The following NOL6 variants were observed in gnomAD, a reference collection of about 807,000 sequenced individuals.
NOL6 encodes the protein nucleolar RNA-associated protein.
Under a neutral mutation model 131.7 loss-of-function variants are expected in NOL6, and 33 were observed. That is an observed-to-expected ratio of 0.25 (90% CI 0.19 to 0.33). NOL6 has a LOEUF of 0.33. NOL6 is among the 10% of genes least tolerant of loss of function. NOL6 has a pLI of 1.00. For missense variants in NOL6, 1,297 were observed against 1,494.5 expected (o/e 0.87, Z 2.18); for synonymous variants, 580 against 605.7 (o/e 0.96, Z 0.62).
At position 33,468,887 on chromosome 9, in the gene NOL6, G is replaced by C. The variant is rs770679733; in HGVS notation, c.1027-15C>G. 5 of 1,614,040 alleles carry C rather than the reference G, an allele frequency of 3.1e-6. No individual in the cohort carries two copies. In the African/African-American group the frequency reaches 6.7e-5, roughly 22 times the overall value. On this transcript the variant is annotated splice_polypyrimidine_tract_variant and intron_variant, in intron 7 of 25. Transcript: ENST00000297990. ...CCACCCTGGCCCTGAAAGAGACAGG[G>C]AGAGGCTGAGGTCAGAGCCTGCCCA...
At position 33,466,422 on chromosome 9, in the gene NOL6, A is replaced by T. The variant is rs1252741838; in HGVS notation, c.2095T>A (p.Phe699Ile). Reference sequence around the variant, plus strand: ...GCTGGACGGACTGGAGTTGGTGGGAACACCTGTGGAAGAAGAGGGGCTGAG... The same window carrying T: ...GCTGGACGGACTGGAGTTGGTGGGATCACCTGTGGAAGAAGAGGGGCTGAG... ...AHPVLRYTEV[F>I]PPTPVRPAFS... Residue 699 changes from phenylalanine (F) to isoleucine (I), a missense_variant, in exon 17 of 26, where the codon TTC (phenylalanine) becomes ATC (isoleucine). Transcript: ENST00000297990. 2 of 1,614,038 alleles carry T rather than the reference A, an allele frequency of 1.2e-6. No individual in the cohort carries two copies. The highest frequency in any genetic ancestry group is 1.1e-5 in the South Asian group (1 of 91,092).
At position 33,465,247 on chromosome 9, in the gene NOL6, C is replaced by A; in HGVS notation, c.2641G>T (p.Ala881Ser). 6.3e-7 allele frequency: 1 copy of A among 1,597,798 alleles called. No individual in the cohort carries two copies. ...FADESLDLVA[A>S]ALFLHPEPFT... is the part of the protein sequence containing the mutation. Reference sequence around the variant, plus strand: ...GGCTCAGGGTGCAGGAAAAGGGCAGCGGCCACCAGATCCAGGCTCTCATCA... The same window carrying A: ...GGCTCAGGGTGCAGGAAAAGGGCAGAGGCCACCAGATCCAGGCTCTCATCA... Residue 881 changes from alanine to serine, a missense_variant, in exon 20 of 26, where the codon GCT becomes TCT. Physicochemically the swap from Ala to Ser is moderately conservative, Grantham distance 99. Coordinates refer to ENST00000297990, the MANE Select transcript of NOL6 (RefSeq NM_022917.5).
chr9:33,468,706 C>A (rs41314586), intron 8 of NOL6, 46 bp downstream of exon 8: 1 of 1,613,192 alleles, frequency 6.2e-7, no homozygotes, highest in Admixed American at 1.7e-5. Context: ...GAGAGGATTC[C>A]CAGGAGGAGT....
rs150632049 is a variant in NOL6, at chr9:33,472,255, C to T, written c.212G>A (p.Arg71His). Residue 71 changes from arginine (R) to histidine (H), a missense_variant, in exon 2 of 26, where the codon CGC (arginine) becomes CAC (histidine). Coordinates refer to ENST00000297990, the MANE Select transcript of NOL6 (RefSeq NM_022917.5). ...GAACAAGATCTCAGTCTCCCGAAGGCGATTAAGCTCCTCATTGGTAGGCTC... is the reference window on the plus strand; with the variant it reads ...GAACAAGATCTCAGTCTCCCGAAGGTGATTAAGCTCCTCATTGGTAGGCTC... ...YKEPTNEELN[R>H]LRETEILFHS... The T allele has an allele frequency of 5.0e-5, 81 of 1,614,222 alleles. No individual in the cohort carries two copies. The African/African-American group carries it at 6.9e-4, about 14-fold the overall frequency.
intron 4 of NOL6, 110 bp from the exon 5 acceptor site, chr9:33,469,777 C>G: frequency 1.5e-6 from 2 of 1,368,622 alleles, no homozygotes; most frequent in South Asian, 2.6e-5. Context: ...GACAGAAGTG[C>G]CTGAGCCACG....
At chr9:33,469,859 A>T in intron 4 of NOL6, 153 bp downstream of exon 4, 2 of 1,012,354 alleles carry the variant, frequency 2.0e-6, no homozygotes, top group South Asian at 1.7e-5. Context: ...GGCCCGAGGG[A>T]TCTAAGCTGC....
rs201427764 is a variant in NOL6 at position 33,467,969 on chromosome 9, C to T, written c.1424+61G>A. 2.6e-4 allele frequency: 417 copies of T among 1,611,866 alleles called. No individual in the cohort carries two copies. Among genetic ancestry groups the T allele is most frequent in the Non-Finnish European group, 1.9e-4 (224 of 1,178,456 alleles). ...GAGCACCTGTCTGAAGACCTTTGCC[C>T]CACCACTGTAGCCCCGAAGAGACAG... On this transcript the variant is annotated intron_variant, in intron 11 of 25. Transcript: ENST00000297990. This position sits in a 1 kb window ranked among gnomAD's most constrained non-coding sequence, Gnocchi z 4.4.
In NOL6 at chr9:33,462,524, TG is replaced by T; in HGVS notation, c.*139del. 1 of 966,724 alleles carries T rather than the reference TG, an allele frequency of 1.0e-6. No individual in the cohort carries two copies. Among genetic ancestry groups the T allele is most frequent in the Non-Finnish European group, 1.5e-6 (1 of 650,478 alleles). 59.9% of individuals were successfully genotyped at this position (966,724 alleles called of 1,614,324 possible). On this transcript the variant is annotated 3_prime_UTR_variant, in exon 26 of 26. Coordinates refer to ENST00000297990, the MANE Select transcript of NOL6 (RefSeq NM_022917.5). The stretch of plus-strand genomic sequence containing the variant: ...AGAGAAAGTTGGGGCTGGGTTTTGT[TG>T]GAGATGATTCAGCATGTTCAGCCAG...
rs1223187216 is a variant in NOL6 at position 33,467,815 on chromosome 9, G to A, written c.1478C>T (p.Pro493Leu). Reference protein sequence around the residue: ...QAACHRLKLWPELQDNGGDYV... With the variant: ...QAACHRLKLWLELQDNGGDYV... ...GTCCCCACCATTGTCCTGCAGCTCT[G>A]GCCAGAGCTTCAGCCGGTGGCACGC... Residue 493 changes from proline (P) to leucine (L), a missense_variant, in exon 12 of 26, where the codon CCA becomes CTA. Transcript: ENST00000297990. This position sits in a 1 kb window ranked among gnomAD's most constrained non-coding sequence, Gnocchi z 4.4. The A allele has an allele frequency of 1.2e-6, 2 of 1,607,584 alleles. No homozygotes were observed. The highest frequency in any genetic ancestry group is 1.7e-6 in the Non-Finnish European group (2 of 1,177,184).
intron 3 of NOL6, among the ~76,000 whole-genome samples, chr9:33,471,355 G>C (rs912546783): frequency 5.3e-5 from 8 of 152,226 alleles, no homozygotes; most frequent in African/African-American, 1.9e-4. Flanking sequence ...ATCTCACCCA[G>C]AGCAACAGCC....
At chr9:33,468,595 G>A (rs765871249) in intron 8 of NOL6, 29 bp from the exon 9 acceptor site, 1 of 1,612,942 alleles carries the variant, frequency 6.2e-7, no homozygotes. Flanking sequence ...GTATTAGAAG[G>A]TATCCCCTTC....
rs1232537457 is a variant in NOL6, at chr9:33,462,594, A to G, written c.*70T>C. On this transcript the variant is annotated 3_prime_UTR_variant, in exon 26 of 26. Transcript: ENST00000297990. ...TTCATGTCCAAGGAGGGTGGAGGTC[A>G]TCCTACTGACATCTTGCTCTAGAGG... 6.4e-7 allele frequency: 1 copy of G among 1,558,852 alleles called. No homozygotes were observed. Among genetic ancestry groups the G allele is most frequent in the Non-Finnish European group, 8.8e-7 (1 of 1,138,340 alleles).
At position 33,462,148 on chromosome 9, in the gene NOL6, G is replaced by A; in HGVS notation, c.*516C>T. Reference sequence around the variant, plus strand: ...AATGTGGTCTATTCATACACATATAGCCCCTTTCCACTGCTCAGTGTCGGT... The same window carrying A: ...AATGTGGTCTATTCATACACATATAACCCCTTTCCACTGCTCAGTGTCGGT... On this transcript the variant is annotated 3_prime_UTR_variant, in exon 26 of 26. Coordinates refer to ENST00000297990, the MANE Select transcript of NOL6 (RefSeq NM_022917.5). 1 of 717,418 alleles carries A rather than the reference G, an allele frequency of 1.4e-6. No homozygotes were observed. The highest frequency in any genetic ancestry group is 2.6e-6 in the Non-Finnish European group (1 of 385,082). 44.4% of individuals were successfully genotyped at this position (717,418 alleles called of 1,614,324 possible). A position where few individuals can be genotyped will look rare whatever the true frequency, so the allele number is the denominator to read the frequency against.
chr9:33,466,797 C>T, intron 15 of NOL6, 88 bp from the exon 16 acceptor site: 1 of 1,580,580 alleles, frequency 6.3e-7, no homozygotes, highest in Non-Finnish European at 8.6e-7. Flanking sequence ...GCAGCAGAGC[C>T]AGCACCGCCG....
At position 33,461,448 on chromosome 9, in the gene NOL6, G is replaced by C. The variant is rs1186226252; in HGVS notation, c.*1216C>G. On this transcript the variant is annotated 3_prime_UTR_variant, in exon 26 of 26. Transcript: ENST00000297990. ...GGGCAGACAGGCCAGGAATACGGGG[G>C]AAATTAAGCAATTTAACTTTTTATT... The C allele has an allele frequency of 6.6e-6, 1 of 152,216 alleles. No individual in the cohort carries two copies. Among genetic ancestry groups the C allele is most frequent in the Non-Finnish European group, 1.5e-5 (1 of 68,056 alleles). 9.4% of individuals were successfully genotyped at this position (152,216 alleles called of 1,614,324 possible).
Position 33,470,040 on chromosome 9 carries a change from T to A in NOL6, c.530A>T (p.Asn177Ile). 1 of 1,609,202 alleles carries A rather than the reference T, an allele frequency of 6.2e-7. No individual in the cohort carries two copies. Among genetic ancestry groups the A allele is most frequent in the Non-Finnish European group, 8.5e-7 (1 of 1,176,982 alleles). The change falls in exon 4 of 26, where the codon AAT (asparagine) becomes ATT (isoleucine). Residue 177 changes from asparagine (N) to isoleucine (I), a missense_variant. Transcript: ENST00000297990. ...LLGTCIRPDI[N>I]VDVALTMPRE... Reference sequence around the variant, plus strand: ...GGGCATGGTCAGTGCCACATCCACATTGATGTCTGGTCGGATGCAGGTGCC... The same window carrying A: ...GGGCATGGTCAGTGCCACATCCACAATGATGTCTGGTCGGATGCAGGTGCC...
rs1827092482 is a variant in NOL6 at position 33,461,431 on chromosome 9, A to G, written c.*1233T>C. 6.6e-6 allele frequency: 1 copy of G among 152,266 alleles called. No individual in the cohort carries two copies. The highest frequency in any genetic ancestry group is 1.9e-4 in the East Asian group (1 of 5,202). 9.4% of individuals were successfully genotyped at this position (152,266 alleles called of 1,614,324 possible). On this transcript the variant is annotated 3_prime_UTR_variant, in exon 26 of 26. Transcript: ENST00000297990. ...TTAAAATTATGTGAAAGGGGCAGACAGGCCAGGAATACGGGGGAAATTAAG... is the reference window on the plus strand; with the variant it reads ...TTAAAATTATGTGAAAGGGGCAGACGGGCCAGGAATACGGGGGAAATTAAG...
rs776633642 is a variant in NOL6, at chr9:33,473,754, T to C, written c.54+35A>G. ...GGCCCTGCAGCCAAGGGAGCGCACA[T>C]TGAGCCTCTGTTCCTCCCCGATGGC... On this transcript the variant is annotated intron_variant, in intron 1 of 25. Transcript: ENST00000297990. The C allele has an allele frequency of 3.2e-5, 52 of 1,610,550 alleles. 1 individual carries two copies. Among genetic ancestry groups the C allele is most frequent in the African/African-American group, 4.0e-5 (3 of 74,932 alleles).
chr9:33,463,873 T>C lies in NOL6; in HGVS notation c.2952A>G (p.Leu984=). 6 of 1,614,128 alleles carry C rather than the reference T, an allele frequency of 3.7e-6. No homozygotes were observed. Among genetic ancestry groups the C allele is most frequent in the Non-Finnish European group, 5.1e-6 (6 of 1,180,016 alleles). ...VVLAAEALPM[L]EKQLMDPRGP... ...CCCGGGGATCCATGAGCTGCTTCTC[T>C]AACATGGGCAGGGCTTCAGCTGCCA... Residue 984 remains leucine (L), a synonymous_variant, in exon 23 of 26, where the codon TTA becomes TTG. Transcript: ENST00000297990.
Sources: allele counts gnomAD v4.1 joint callset (sites outside exome capture counted in the v4.1 genomes callset), GRCh38; gene constraint gnomAD v4.1.1; non-coding constraint Gnocchi (gnomAD v3.1); transcripts MANE v1.5; gene names NCBI Gene and HGNC (gene_info 2026-07-23, HGNC 2026-07-21).